DAB1: variants seen among roughly 807,000 people sequenced by gnomAD.
DAB1 encodes DAB adaptor protein 1, also known as disabled homolog 1.
In DAB1, 15 loss-of-function variants were observed where a neutral mutation model predicts 64.6. The ratio of observed to expected loss-of-function variants is 0.23; its 90% CI spans 0.16 to 0.36. DAB1 has a LOEUF of 0.36. DAB1 is among the 10% of genes least tolerant of loss of function. DAB1 has a pLI of 1.00. For synonymous variants in DAB1, 235 were observed against 251.9 expected (o/e 0.93, Z 0.64); for missense variants, 596 against 706.7 (o/e 0.84, Z 1.78).
chr1:57,580,688 CTAATGA>C (rs1645302012), intron 7 of DAB1, among the ~76,000 whole-genome samples: 1 of 152,134 alleles, frequency 6.6e-6, no homozygotes, highest in Non-Finnish European at 1.5e-5. Flanking sequence ...GGAATTTGGA[CTAATGA>C]TAATTATAAT....
chr1:57,572,296 T>C (rs1645202155), intron 7 of DAB1, among the ~76,000 whole-genome samples: 1 of 152,164 alleles, frequency 6.6e-6, no homozygotes, highest in South Asian at 2.1e-4. Flanking sequence ...ATCTTGAGCA[T>C]GTCATTAACC....
At chr1:57,803,370 T>C (rs2406284) in intron 6 of DAB1, among the ~76,000 whole-genome samples, 127,754 of 152,210 alleles carry the variant, frequency 0.84, 53,894 homozygotes, top group African/African-American at 0.92. Flanking sequence ...AAAGGGGGAG[T>C]TAAGAACATA....
intron 1 of DAB1, among the ~76,000 whole-genome samples, chr1:57,303,387 GC>G (rs1673838879): frequency 6.6e-6 from 1 of 152,188 alleles, no homozygotes; most frequent in Non-Finnish European, 1.5e-5. Context: ...AGCTGGCTGG[GC>G]CTGGGACAGA....
chr1:58,240,101 G>C (rs1014168923), intron 4 of DAB1, among the ~76,000 whole-genome samples: 1 of 152,280 alleles, frequency 6.6e-6, no homozygotes, highest in South Asian at 2.1e-4. Flanking sequence ...CCAGAATGAT[G>C]AGAGTAGGTG....
intron 2 of DAB1, among the ~76,000 whole-genome samples, chr1:58,524,268 C>T (rs550449428): frequency 2.0e-5 from 3 of 152,294 alleles, no homozygotes; most frequent in Non-Finnish European, 4.4e-5. Flanking sequence ...TTCTCCTTAA[C>T]GATTTTCTTA....
intron 3 of DAB1, among the ~76,000 whole-genome samples, chr1:58,452,117 G>C (rs1362796522): frequency 1.3e-5 from 2 of 151,586 alleles, no homozygotes; most frequent in Admixed American, 1.3e-4. Flanking sequence ...GTTTTTAGTT[G>C]AGAGGGGGGT....
At chr1:58,485,527 A>AC (rs1215676602) in intron 3 of DAB1, among the ~76,000 whole-genome samples, 1 of 152,100 alleles carries the variant, frequency 6.6e-6, no homozygotes, top group Non-Finnish European at 1.5e-5. Context: ...TCCTGTTATG[A>AC]CCATACATAT....
At chr1:58,118,272 C>T (rs1466716655) in intron 5 of DAB1, among the ~76,000 whole-genome samples, 4 of 150,424 alleles carry the variant, frequency 2.7e-5, no homozygotes, top group Non-Finnish European at 5.9e-5. Context: ...CACTCACTCA[C>T]TCATTCAGCA....
chr1:58,094,913 A>C (rs1650890066), intron 5 of DAB1, among the ~76,000 whole-genome samples: 1 of 152,188 alleles, frequency 6.6e-6, no homozygotes, highest in Non-Finnish European at 1.5e-5. Flanking sequence ...TGGTCCAAAG[A>C]CCACACTTAA....
intron 5 of DAB1, among the ~76,000 whole-genome samples, chr1:58,126,585 T>C (rs1270763318): frequency 6.6e-6 from 1 of 151,680 alleles, no homozygotes; most frequent in Non-Finnish European, 1.5e-5. Flanking sequence ...TAGGTATATC[T>C]CCTGATGCTA....
chr1:58,489,765 A>C (rs1290460643), intron 3 of DAB1, among the ~76,000 whole-genome samples: 2 of 152,200 alleles, frequency 1.3e-5, no homozygotes, highest in Non-Finnish European at 2.9e-5. Flanking sequence ...ATGATGAGGC[A>C]GCAACATTGG....
intron 1 of DAB1, among the ~76,000 whole-genome samples, chr1:57,826,735 T>G (rs2101900226): frequency 6.6e-6 from 1 of 152,332 alleles, no homozygotes; most frequent in Admixed American, 6.5e-5. Flanking sequence ...AGAGCAATAC[T>G]GGCAGCAGCT....
chr1:57,158,893 T>C (rs1660484485), intron 2 of DAB1, among the ~76,000 whole-genome samples: 1 of 152,244 alleles, frequency 6.6e-6, no homozygotes, highest in Admixed American at 6.5e-5. Flanking sequence ...TGTTCTCTGG[T>C]ACTTCTGAAA....
At chr1:58,503,082 A>G (rs1286394253) in intron 3 of DAB1, among the ~76,000 whole-genome samples, 6 of 152,354 alleles carry the variant, frequency 3.9e-5, no homozygotes, top group Non-Finnish European at 8.8e-5. Flanking sequence ...TAATTTGATG[A>G]TGAAATGACA....
intron 2 of DAB1, among the ~76,000 whole-genome samples, chr1:57,233,258 T>TTG (rs1667831256): frequency 1.4e-5 from 1 of 72,900 alleles, no homozygotes; most frequent in Non-Finnish European, 3.2e-5. Flanking sequence ...TCCGATTCTT[T>TTG]TTTTTTTTTT....
At chr1:57,428,858 A>C (rs59014948), upstream of DAB1, among the ~76,000 whole-genome samples, 30,263 of 135,046 alleles carry the variant, frequency 0.22, 4,328 homozygotes, top group East Asian at 0.41. Context: ...AAAAAAAAAA[A>C]AACAGCAACC....
At chr1:58,437,205 C>T (rs1385393389) in intron 3 of DAB1, among the ~76,000 whole-genome samples, 1 of 152,166 alleles carries the variant, frequency 6.6e-6, no homozygotes, top group African/African-American at 2.4e-5. Flanking sequence ...ATTCTCAGGC[C>T]TCACCTCGGA....
chr1:58,231,093 T>A (rs1480623626), intron 4 of DAB1, among the ~76,000 whole-genome samples: 7 of 152,234 alleles, frequency 4.6e-5, no homozygotes, highest in Non-Finnish European at 7.3e-5. Flanking sequence ...AAATGTAAAG[T>A]ACTTAAAAGA....
chr1:57,658,587 C>A (rs113641484), intron 6 of DAB1, among the ~76,000 whole-genome samples: 1,941 of 150,506 alleles, frequency 0.013, 20 homozygotes, highest in Non-Finnish European at 0.02. Context: ...TTTTGAGACA[C>A]AATCTTGATC....
Sources: gnomAD v4.1 joint callset for allele counts (sites outside exome capture counted in the v4.1 genomes callset) on GRCh38, gnomAD v4.1.1 for gene constraint, MANE v1.5 for transcripts, NCBI Gene and HGNC (gene_info 2026-07-23, HGNC 2026-07-21) for gene names.